PLP1: variants seen among roughly 807,000 people sequenced by gnomAD.
PLP1 encodes proteolipid protein 1.
A neutral mutation model predicts 18.5 loss-of-function variants in PLP1; 2 were observed. That is an observed-to-expected ratio of 0.11 (90% CI 0.04 to 0.34). PLP1 has a LOEUF of 0.34. Ranked by LOEUF, PLP1 falls within the 10% of genes least tolerant of loss-of-function variation. The probability of loss-of-function intolerance (pLI) is 1.00; values close to 1 mark genes in which losing one functional copy is unlikely to be tolerated. For synonymous variants in PLP1, 86 were observed against 83.2 expected (o/e 1.03, Z -0.19); for missense variants, 105 against 207.3 (o/e 0.51, Z 3.03).
chrX:103,784,271 A>T (rs1261291826), intron 1 of PLP1, among the ~76,000 whole-genome samples: 1 of 111,641 alleles, frequency 9.0e-6, no homozygotes, highest in Non-Finnish European at 1.9e-5. Context: ...ATGTGTTCCC[A>T]GGCCCTGGTG....
intron 1 of PLP1, among the ~76,000 whole-genome samples, chrX:103,783,887 G>A (rs891707758): frequency 1.8e-5 from 2 of 111,939 alleles, no homozygotes; most frequent in Admixed American, 9.5e-5. Flanking sequence ...GAGTATTTGT[G>A]TGTGTGCATG....
chrX:103,786,683 G>A lies in PLP1; in HGVS notation c.410G>A (p.Arg137Gln). Reference sequence around the variant, plus strand: ...CAACATCAAGCTCATTCTTTGGAGCGGGTGTGTCATTGTTTGGGAAAATGG... The same window carrying A: ...CAACATCAAGCTCATTCTTTGGAGCAGGTGTGTCATTGTTTGGGAAAATGG... ...RGQHQAHSLE[R>Q]VCHCLGKWLG... Residue 137 changes from arginine to glutamine, a missense_variant, in exon 3 of 7, where the codon CGG becomes CAG. Physicochemically the swap from Arg to Gln is conservative, Grantham distance 43 (BLOSUM62 1). Coordinates refer to ENST00000621218, the MANE Select transcript of PLP1 (RefSeq NM_000533.5). The A allele has an allele frequency of 1.7e-6, 2 of 1,211,129 alleles. No individual in the cohort carries two copies. The highest frequency in any genetic ancestry group is 1.1e-6 in the Non-Finnish European group (1 of 895,009).
chrX:103,785,912 C>A, intron 2 of PLP1, 144 bp downstream of exon 2: 1 of 705,753 alleles, frequency 1.4e-6, no homozygotes, highest in Non-Finnish European at 2.2e-6. Context: ...CTGTGCAGAT[C>A]TCTCCTGCTC....
chrX:103,780,468 T>C lies in PLP1; in HGVS notation c.4+3469T>C, dbSNP rs5987582. ...GTGTGTGTGTGTGTGTGTGTGTGTG[T>C]GCGCGTCTGAAGAGGAGTGGGGAGT... On this transcript the variant is annotated intron_variant, in intron 1 of 6. Transcript: ENST00000621218. 8.1e-3 allele frequency among the ~76,000 whole-genome samples: 883 copies of C among 109,640 alleles called. 11 individuals carry two copies. Among genetic ancestry groups the C allele is most frequent in the African/African-American group, 0.024 (723 of 30,018 alleles).
At chrX:103,789,773 C>T (rs2074529186) in intron 6 of PLP1, among the ~76,000 whole-genome samples, 1 of 111,871 alleles carries the variant, frequency 8.9e-6, no homozygotes, top group Non-Finnish European at 1.9e-5. Flanking sequence ...ACATGACTTG[C>T]TATAGCCTGG....
chrX:103,781,602 T>G (rs1193048137), intron 1 of PLP1, among the ~76,000 whole-genome samples: 1 of 112,608 alleles, frequency 8.9e-6, no homozygotes, highest in East Asian at 2.8e-4. Flanking sequence ...ACTGGCCTTT[T>G]AATTCCCTTC....
intron 3 of PLP1, chrX:103,787,090 A>C (rs1013241557): frequency 4.3e-6 from 1 of 232,830 alleles, no homozygotes; most frequent in Admixed American, 6.3e-5. Flanking sequence ...CATGTGATTG[A>C]GACTTGGGCA....
rs753571902 is a variant in PLP1 at position 103,791,309 on chromosome X, C to T, written c.*711C>T. On this transcript the variant is annotated 3_prime_UTR_variant, in exon 7 of 7. Coordinates refer to ENST00000621218, the MANE Select transcript of PLP1 (RefSeq NM_000533.5). ...GAAGGGGGCATCTGGCCTTACACCT[C>T]GTTAGGGAAGAGAAACAGGGTGTTG... 2.4e-4 allele frequency: 25 copies of T among 104,941 alleles called. No individual in the cohort carries two copies. The highest frequency in any genetic ancestry group is 8.1e-4 in the African/African-American group (23 of 28,420). 8.6% of individuals were successfully genotyped at this position (104,941 alleles called of 1,213,427 possible). A position where few individuals can be genotyped will look rare whatever the true frequency, so the allele number is the denominator to read the frequency against.
chrX:103,789,034 G>A, intron 5 of PLP1: 1 of 370,047 alleles, frequency 2.7e-6, no homozygotes, highest in Non-Finnish European at 4.7e-6. Flanking sequence ...TTCTTTGACA[G>A]CAAAATGTTG....
intron 6 of PLP1, 57 bp downstream of exon 6, chrX:103,789,455 A>G (rs977485990): frequency 7.8e-6 from 7 of 902,374 alleles, no homozygotes; most frequent in Non-Finnish European, 8.2e-6. Context: ...GTGTGGGTAC[A>G]GCTATTCTGA....
intron 5 of PLP1, chrX:103,789,002 G>A: frequency 5.9e-6 from 2 of 341,166 alleles, no homozygotes; most frequent in Non-Finnish European, 1.0e-5. Context: ...AGTAAATCCG[G>A]GGGAGACAGG....
In PLP1 at chrX:103,791,542, G is replaced by C. The variant is rs1203681938; in HGVS notation, c.*944G>C. On this transcript the variant is annotated 3_prime_UTR_variant, in exon 7 of 7. Coordinates refer to ENST00000621218, the MANE Select transcript of PLP1 (RefSeq NM_000533.5). ...CTTTGGATAGCATGTCTTTTTTTCTGTTAATTAGTTGTGTACTCTGGCCTC... is the reference window on the plus strand; with the variant it reads ...CTTTGGATAGCATGTCTTTTTTTCTCTTAATTAGTTGTGTACTCTGGCCTC... The C allele has an allele frequency of 1.8e-5, 2 of 112,216 alleles. No individual in the cohort carries two copies. The highest frequency in any genetic ancestry group is 3.8e-5 in the Non-Finnish European group (2 of 53,178). 9.2% of individuals were successfully genotyped at this position (112,216 alleles called of 1,213,427 possible).
In PLP1 at chrX:103,790,631, G is replaced by T; in HGVS notation, c.*33G>T. On this transcript the variant is annotated 3_prime_UTR_variant, in exon 7 of 7. Transcript: ENST00000621218. The stretch of plus-strand genomic sequence containing the variant: ...TAGAAATCCCCCTTTCTCTAATAGC[G>T]AGGCTCTAACCACACAGCCTACAAT... 9.4e-7 allele frequency: 1 copy of T among 1,060,776 alleles called. No homozygotes were observed. The highest frequency in any genetic ancestry group is 1.3e-6 in the Non-Finnish European group (1 of 758,063). The allele number at this position is 1,060,776 out of a possible 1,213,427, so 87.4% of individuals were successfully genotyped here. A position where few individuals can be genotyped will look rare whatever the true frequency, so the allele number is the denominator to read the frequency against.
chrX:103,790,558 T>G lies in PLP1; in HGVS notation c.794T>G (p.Phe265Cys), dbSNP rs1778399348. ...TTCATGATTGCTGCCACTTACAACTTTGCCGTCCTTAAACTCATGGGCCGA... is the reference window on the plus strand; with the variant it reads ...TTCATGATTGCTGCCACTTACAACTGTGCCGTCCTTAAACTCATGGGCCGA... ...LTFMIAATYNFAVLKLMGRGT... is the reference protein window; with the variant it reads ...LTFMIAATYNCAVLKLMGRGT... Residue 265 changes from phenylalanine to cysteine, a missense_variant, in exon 7 of 7, where the codon TTT (phenylalanine) becomes TGT (cysteine). Phe to Cys is a radical substitution (Grantham distance 205). Coordinates refer to ENST00000621218, the MANE Select transcript of PLP1 (RefSeq NM_000533.5). 1 of 1,207,559 alleles carries G rather than the reference T, an allele frequency of 8.3e-7. No homozygotes were observed. The highest frequency in any genetic ancestry group is 1.8e-5 in the African/African-American group (1 of 57,105).
chrX:103,784,316 T>C (rs1352114320), intron 1 of PLP1, among the ~76,000 whole-genome samples: 1 of 111,801 alleles, frequency 8.9e-6, no homozygotes, highest in Non-Finnish European at 1.9e-5. Context: ...TTTCATGCTT[T>C]GCTGACTTTG....
chrX:103,786,602 G>A lies in PLP1; in HGVS notation c.329G>A (p.Gly110Asp). 1 of 1,211,714 alleles carries A rather than the reference G, an allele frequency of 8.3e-7. No homozygotes were observed. The highest frequency in any genetic ancestry group is 3.0e-5 in the East Asian group (1 of 33,822). ...GGCGACTACAAGACCACCATCTGCG[G>A]CAAGGGCCTGAGCGCAACGGTAACA... ...IFGDYKTTIC[G>D]KGLSATVTGG... is the part of the protein sequence containing the mutation. The change falls in exon 3 of 7, where the codon GGC becomes GAC. Residue 110 changes from glycine to aspartate, a missense_variant. Coordinates refer to ENST00000621218, the MANE Select transcript of PLP1 (RefSeq NM_000533.5).
intron 3 of PLP1, chrX:103,787,587 C>T (rs886523698): frequency 9.0e-5 from 40 of 443,105 alleles, no homozygotes; most frequent in African/African-American, 7.9e-4. Flanking sequence ...CCTACCCATT[C>T]CCCCCACCCT....
At chrX:103,790,061 C>T (rs998871317) in intron 6 of PLP1, among the ~76,000 whole-genome samples, 1 of 111,963 alleles carries the variant, frequency 8.9e-6, no homozygotes, top group Non-Finnish European at 1.9e-5. Context: ...GAACTCCTGG[C>T]CCCTACTGCT....
intron 1 of PLP1, among the ~76,000 whole-genome samples, chrX:103,781,690 AAC>A (rs2074455433): frequency 8.9e-6 from 1 of 112,450 alleles, no homozygotes; most frequent in South Asian, 3.7e-4. Flanking sequence ...ATGAAAGAAA[AAC>A]ACTGGAGGGG....
Sources: gnomAD v4.1 joint callset for allele counts (sites outside exome capture counted in the v4.1 genomes callset) on GRCh38, gnomAD v4.1.1 for gene constraint, MANE v1.5 for transcripts, NCBI Gene and HGNC (gene_info 2026-07-23, HGNC 2026-07-21) for gene names.